ZNF423: variants seen among roughly 807,000 people sequenced by gnomAD.
ZNF423 encodes zinc finger protein 423, also known as Ebf-associated zinc finger protein.
In ZNF423, 12 loss-of-function variants were observed where a neutral mutation model predicts 95.8. The observed-to-expected ratio is 0.13, with a 90% CI of 0.08 to 0.20. ZNF423 has a LOEUF of 0.20. Among genes scored for constraint, ZNF423 ranks in the 10% least tolerant of loss-of-function variants. The pLI, the probability that ZNF423 is intolerant of heterozygous loss-of-function variation, is 1.00. For synonymous variants in ZNF423, 749 were observed against 711.9 expected, an observed-to-expected ratio of 1.05 and a Z score of -0.83; for missense variants, 1,316 against 1,737.1, an observed-to-expected ratio of 0.76 and a Z score of 4.31.
At chr16:49,669,113 T>C (rs1336335983) in intron 3 of ZNF423, among the ~76,000 whole-genome samples, 1 of 151,986 alleles carries the variant, frequency 6.6e-6, no homozygotes, top group Non-Finnish European at 1.5e-5. Context: ...GCAGATCACC[T>C]GAGGTCAGGA....
At chr16:49,798,430 C>T (rs954188857) in intron 1 of ZNF423, among the ~76,000 whole-genome samples, 2 of 152,148 alleles carry the variant, frequency 1.3e-5, no homozygotes, top group Non-Finnish European at 2.9e-5. Flanking sequence ...ATTGCCTGAA[C>T]CCAGGAGGCA....
chr16:49,857,058 C>T (rs2035379520), upstream of ZNF423, among the ~76,000 whole-genome samples: 1 of 150,416 alleles, frequency 6.6e-6, no homozygotes, highest in Non-Finnish European at 1.5e-5. The surrounding 1 kb of genome is among the most constrained non-coding windows in gnomAD (Gnocchi z 6.2). Context: ...GTCGCTGGCT[C>T]TCCTCCTCCC....
intron 3 of ZNF423, among the ~76,000 whole-genome samples, chr16:49,656,246 G>A (rs1033267382): frequency 3.5e-4 from 54 of 152,214 alleles, no homozygotes; most frequent in African/African-American, 1.1e-3. Context: ...GCAGTGGCTC[G>A]TGCCTGTAAT....
At chr16:49,620,430 T>C (rs907073427) in intron 5 of ZNF423, among the ~76,000 whole-genome samples, 2 of 152,118 alleles carry the variant, frequency 1.3e-5, no homozygotes, top group Non-Finnish European at 2.9e-5. Context: ...CCCCATGTAT[T>C]TGCCCCTGAC....
intron 2 of ZNF423, among the ~76,000 whole-genome samples, chr16:49,732,438 C>T (rs1292413563): frequency 6.6e-6 from 1 of 152,234 alleles, no homozygotes; most frequent in Non-Finnish European, 1.5e-5. Flanking sequence ...TTCCCACAGC[C>T]TGTCCTGGAA....
intron 5 of ZNF423, among the ~76,000 whole-genome samples, chr16:49,546,270 C>A (rs1047957986): frequency 2.6e-5 from 4 of 152,182 alleles, no homozygotes; most frequent in Non-Finnish European, 5.9e-5. Flanking sequence ...CATTTTCCTT[C>A]CCTACTGGCT....
At chr16:49,816,046 G>A (rs1258514120) in intron 1 of ZNF423, among the ~76,000 whole-genome samples, 1 of 149,892 alleles carries the variant, frequency 6.7e-6, no homozygotes. Flanking sequence ...AGCCTCCTGG[G>A]TAGCTGGAAT....
chr16:49,809,629 G>T (rs2034720399), intron 1 of ZNF423, among the ~76,000 whole-genome samples: 1 of 152,214 alleles, frequency 6.6e-6, no homozygotes, highest in African/African-American at 2.4e-5. Flanking sequence ...GAGAACAGAT[G>T]TGGCTGCCTC....
chr16:49,739,011 G>C (rs1596950706), intron 2 of ZNF423, among the ~76,000 whole-genome samples: 1 of 151,874 alleles, frequency 6.6e-6, no homozygotes, highest in African/African-American at 2.4e-5. Flanking sequence ...CAGATGGCTG[G>C]ATGCATGTTC....
intron 5 of ZNF423, among the ~76,000 whole-genome samples, chr16:49,545,018 G>A (rs746521118): frequency 4.6e-5 from 7 of 152,248 alleles, no homozygotes; most frequent in Admixed American, 3.3e-4. Context: ...GGCCGGTGCC[G>A]TTATTATTCC....
chr16:49,702,306 G>A (rs2032206976), intron 3 of ZNF423, among the ~76,000 whole-genome samples: 1 of 152,238 alleles, frequency 6.6e-6, no homozygotes, highest in Non-Finnish European at 1.5e-5. Flanking sequence ...CATAACAGGG[G>A]AGGCCAAGGC....
intron 7 of ZNF423, among the ~76,000 whole-genome samples, chr16:49,502,982 C>T (rs367839736): frequency 2.6e-5 from 4 of 151,030 alleles, no homozygotes; most frequent in Non-Finnish European, 4.4e-5. Context: ...CACACACACA[C>T]GGATACCCCA....
intron 3 of ZNF423, among the ~76,000 whole-genome samples, chr16:49,720,910 G>A (rs187768528): frequency 3.5e-4 from 54 of 152,324 alleles, no homozygotes; most frequent in African/African-American, 6.5e-4. Context: ...CTCCCTGGCC[G>A]CATCATGGGC....
intron 3 of ZNF423, among the ~76,000 whole-genome samples, chr16:49,674,817 C>T (rs995503915): frequency 2.0e-5 from 3 of 152,154 alleles, no homozygotes; most frequent in African/African-American, 4.8e-5. Context: ...TCGGTGACTA[C>T]AGTTTGTGAG....
intron 3 of ZNF423, among the ~76,000 whole-genome samples, chr16:49,700,229 A>AGAAGAC (rs1473724540): frequency 5.3e-5 from 8 of 151,420 alleles, no homozygotes; most frequent in African/African-American, 1.7e-4. Context: ...AAGAAGAAGA[A>AGAAGAC]GAAGAAAAAA....
chr16:49,625,984 C>T (rs1333007262), intron 5 of ZNF423, among the ~76,000 whole-genome samples, 186 bp downstream of exon 5: 2 of 152,258 alleles, frequency 1.3e-5, no homozygotes, highest in Middle Eastern at 3.4e-3. Flanking sequence ...AGTGGAGCTG[C>T]GACAAGAAGG....
At chr16:49,496,804 C>G (rs1235353493) in intron 7 of ZNF423, among the ~76,000 whole-genome samples, 1 of 152,192 alleles carries the variant, frequency 6.6e-6, no homozygotes, top group Non-Finnish European at 1.5e-5. Context: ...GTCTTCTGGT[C>G]TTCCTGACCT....
intron 2 of ZNF423, among the ~76,000 whole-genome samples, chr16:49,782,469 G>A (rs540146844): frequency 6.6e-4 from 101 of 152,384 alleles, no homozygotes; most frequent in Non-Finnish European, 9.4e-4. Flanking sequence ...CCCATGGCAG[G>A]AAAGCCTAAA....
chr16:49,700,548 G>A (rs550382024), intron 3 of ZNF423, among the ~76,000 whole-genome samples: 1 of 152,378 alleles, frequency 6.6e-6, no homozygotes, highest in Admixed American at 6.5e-5. Context: ...TGGCACTGGG[G>A]AGGAAAATCA....
Sources: gnomAD v4.1 joint callset for allele counts (sites outside exome capture counted in the v4.1 genomes callset) on GRCh38, gnomAD v4.1.1 for gene constraint, Gnocchi (gnomAD v3.1) non-coding constraint, MANE v1.5 for transcripts, NCBI Gene and HGNC (gene_info 2026-07-23, HGNC 2026-07-21) for gene names.